Variants in PCCA observed in about 807,000 individuals in gnomAD.
PCCA encodes propionyl-CoA carboxylase subunit alpha.
Under a neutral mutation model 101.3 loss-of-function variants are expected in PCCA, and 74 were observed. The observed-to-expected ratio is 0.73, with a 90% CI of 0.61 to 0.89. The LOEUF (loss-of-function observed/expected upper bound fraction) is 0.89, where lower values mean the gene tolerates loss of function less well. Among genes scored for constraint, PCCA ranks in the 40% least tolerant of loss-of-function variants. PCCA has a pLI of 0.00. For missense variants in PCCA, 891 were observed against 907.0 expected (o/e 0.98, Z 0.23); for synonymous variants, 294 against 313.6 (o/e 0.94, Z 0.66).
chr13:100,473,670 G>A (rs1298532662), intron 21 of PCCA, among the ~76,000 whole-genome samples: 3 of 152,156 alleles, frequency 2.0e-5, no homozygotes, highest in Non-Finnish European at 2.9e-5. Context: ...TGAAAGGTCG[G>A]GGTCGGTGAC....
At chr13:100,247,565 G>T (rs2061513626) in intron 8 of PCCA, among the ~76,000 whole-genome samples, 1 of 142,108 alleles carries the variant, frequency 7.0e-6, no homozygotes, top group Non-Finnish European at 1.5e-5. Context: ...CTAGGCTGGA[G>T]TGCATTGGCA....
chr13:100,382,299 C>T (rs1356460520), intron 19 of PCCA, among the ~76,000 whole-genome samples: 2 of 152,170 alleles, frequency 1.3e-5, no homozygotes, highest in Non-Finnish European at 2.9e-5. Context: ...TCTCCGGTTA[C>T]TCCATCAAGC....
chr13:100,496,366 C>T (rs560885647), intron 21 of PCCA, among the ~76,000 whole-genome samples: 35 of 152,318 alleles, frequency 2.3e-4, no homozygotes, highest in Admixed American at 1.4e-3. Context: ...ATCGTTCCTC[C>T]GTTGTTCTTT....
intron 4 of PCCA, among the ~76,000 whole-genome samples, chr13:100,128,739 C>T (rs1285202496): frequency 1.3e-5 from 2 of 152,098 alleles, no homozygotes; most frequent in Non-Finnish European, 2.9e-5. Context: ...TGTTTGACTT[C>T]CCAGAATCTT....
At position 100,150,406 on chromosome 13, in the gene PCCA, T is replaced by A. The variant is rs191679019; in HGVS notation, c.301-4573T>A. 9.2e-4 allele frequency: 312 copies of A among 339,088 alleles called. 2 individuals carry two copies. Among genetic ancestry groups the A allele is most frequent in the African/African-American group, 6.0e-3 (278 of 46,414 alleles). 21.0% of individuals were successfully genotyped at this position (339,088 alleles called of 1,614,324 possible). ...TTATTTTTATTATTTTTAATATTTTTATCATTGTATATGTTTATTTATATT... is the reference window on the plus strand; with the variant it reads ...TTATTTTTATTATTTTTAATATTTTAATCATTGTATATGTTTATTTATATT... On this transcript the variant is annotated intron_variant, in intron 4 of 23. Coordinates refer to ENST00000376285, the MANE Select transcript of PCCA (RefSeq NM_000282.4).
chr13:100,444,878 G>A (rs202042446), intron 20 of PCCA, among the ~76,000 whole-genome samples: 2 of 142,396 alleles, frequency 1.4e-5, no homozygotes, highest in Non-Finnish European at 3.1e-5. Context: ...ATTTGTAATT[G>A]GTTTTTAATT....
chr13:100,530,368 AT>A lies in PCCA; in HGVS notation c.*205del. ...ATTGATATAAATACTTGTACATATGATTTGTACTTCTGCTGTGAGATTCCCT... is the reference window on the plus strand; with the variant it reads ...ATTGATATAAATACTTGTACATATGATTGTACTTCTGCTGTGAGATTCCCT... On this transcript the variant is annotated 3_prime_UTR_variant, in exon 24 of 24. Coordinates refer to ENST00000376285, the MANE Select transcript of PCCA (RefSeq NM_000282.4). 1.6e-6 allele frequency: 1 copy of A among 624,862 alleles called. No homozygotes were observed. Among genetic ancestry groups the A allele is most frequent in the Non-Finnish European group, 2.9e-6 (1 of 347,284 alleles). 38.7% of individuals were successfully genotyped at this position (624,862 alleles called of 1,614,324 possible). A position where few individuals can be genotyped will look rare whatever the true frequency, so the allele number is the denominator to read the frequency against.
intron 1 of PCCA, among the ~76,000 whole-genome samples, chr13:100,090,916 C>T (rs769666437): frequency 1.3e-5 from 2 of 152,148 alleles, no homozygotes; most frequent in Non-Finnish European, 2.9e-5. Flanking sequence ...ATGCTATCTA[C>T]GGTAAGGGAG....
intron 21 of PCCA, among the ~76,000 whole-genome samples, chr13:100,469,664 TACTC>T (rs1185551213): frequency 6.6e-6 from 1 of 151,678 alleles, no homozygotes; most frequent in African/African-American, 2.4e-5. Flanking sequence ...TAGTCTCAGC[TACTC>T]ACTCGGGAGG....
chr13:100,353,318 A>G (rs1021696820), intron 18 of PCCA, among the ~76,000 whole-genome samples: 1 of 152,200 alleles, frequency 6.6e-6, no homozygotes, highest in African/African-American at 2.4e-5. Context: ...AGCAGAATAT[A>G]CCTGTCTCAA....
intron 7 of PCCA, among the ~76,000 whole-genome samples, chr13:100,215,266 A>G (rs1268512792): frequency 6.6e-6 from 1 of 152,230 alleles, no homozygotes. Flanking sequence ...TCATTCATCT[A>G]TTCAGTAGAT....
intron 21 of PCCA, among the ~76,000 whole-genome samples, chr13:100,501,701 G>A (rs558456843): frequency 5.9e-4 from 87 of 148,498 alleles, no homozygotes; most frequent in Non-Finnish European, 9.8e-4. Flanking sequence ...GTGAAACCCC[G>A]TCTCTACTAA....
At chr13:100,415,875 CTTG>C (rs1192836390) in intron 19 of PCCA, among the ~76,000 whole-genome samples, 3 of 152,110 alleles carry the variant, frequency 2.0e-5, no homozygotes, top group East Asian at 1.9e-4. Context: ...TTAGCAGGTG[CTTG>C]TTGTAATAGA....
At chr13:100,303,201 C>T (rs1487342095) in intron 14 of PCCA, among the ~76,000 whole-genome samples, 1 of 152,104 alleles carries the variant, frequency 6.6e-6, no homozygotes, top group Non-Finnish European at 1.5e-5. Flanking sequence ...ACAGGGGAAG[C>T]CTGGGGACAT....
At chr13:100,193,639 A>G (rs1293443272) in intron 6 of PCCA, among the ~76,000 whole-genome samples, 1 of 152,210 alleles carries the variant, frequency 6.6e-6, no homozygotes, top group Non-Finnish European at 1.5e-5. Flanking sequence ...AGATAAACAA[A>G]TGTCAGCTTG....
At chr13:100,416,907 G>C (rs186415864) in intron 19 of PCCA, among the ~76,000 whole-genome samples, 1 of 152,012 alleles carries the variant, frequency 6.6e-6, no homozygotes, top group Admixed American at 6.6e-5. Flanking sequence ...GCAATGGCGC[G>C]ATCTCGGCTC....
intron 18 of PCCA, among the ~76,000 whole-genome samples, chr13:100,353,158 CAA>C (rs2073489678): frequency 6.6e-6 from 1 of 152,030 alleles, no homozygotes; most frequent in Admixed American, 6.5e-5. Context: ...AAAACTGAGA[CAA>C]AGAGAGAAAT....
intron 19 of PCCA, among the ~76,000 whole-genome samples, chr13:100,425,040 G>A (rs574742302): frequency 1.3e-5 from 2 of 151,854 alleles, no homozygotes; most frequent in Non-Finnish European, 2.9e-5. Context: ...TCCCTGTTTT[G>A]AAAGATTATG....
At chr13:100,434,865 C>G (rs1430385608) in intron 20 of PCCA, among the ~76,000 whole-genome samples, 1 of 152,204 alleles carries the variant, frequency 6.6e-6, no homozygotes, top group Non-Finnish European at 1.5e-5. Context: ...GCCTTAAATT[C>G]TAAGCTTAAG....
Sources: allele counts gnomAD v4.1 joint callset (sites outside exome capture counted in the v4.1 genomes callset), GRCh38; gene constraint gnomAD v4.1.1; transcripts MANE v1.5; gene names NCBI Gene and HGNC (gene_info 2026-07-23, HGNC 2026-07-21).